ST8SIA4: variants seen among roughly 807,000 people sequenced by gnomAD.
The protein encoded by ST8SIA4 is ST8 alpha-N-acetyl-neuraminide alpha-2,8-sialyltransferase 4, also known as CMP-N-acetylneuraminate-poly-alpha-2,8-sialyltransferase.
ST8SIA4 carries 15 observed loss-of-function variants against 33.9 expected under a neutral mutation model. The observed-to-expected ratio is 0.44, with a 90% confidence interval of 0.30 to 0.68. The LOEUF (loss-of-function observed/expected upper bound fraction) is 0.68, where lower values mean the gene tolerates loss of function less well. Among genes scored for constraint, ST8SIA4 ranks in the 30% least tolerant of loss-of-function variants. The pLI, the probability that ST8SIA4 is intolerant of heterozygous loss-of-function variation, is 0.10. For missense variants in ST8SIA4, 321 were observed against 428.0 expected, an observed-to-expected ratio of 0.75 and a Z score of 2.21; for synonymous variants, 171 against 151.2, an observed-to-expected ratio of 1.13 and a Z score of -0.96.
At chr5:100,849,395 C>T (rs1751636750) in intron 4 of ST8SIA4, 2 of 985,240 alleles carry the variant, frequency 2.0e-6, no homozygotes, top group African/African-American at 1.7e-5. Context: ...AAATTCTCTA[C>T]GTCAGTGTTC....
intron 4 of ST8SIA4, among the ~76,000 whole-genome samples, chr5:100,839,149 C>A (rs1050588240): frequency 9.9e-5 from 15 of 151,852 alleles, no homozygotes; most frequent in African/African-American, 3.6e-4. Flanking sequence ...TTTCTATAAC[C>A]TTTTGCCAAC....
rs527553861 is a variant in ST8SIA4, at chr5:100,862,563, AT to A, written c.504-6168del. Among the ~76,000 whole-genome samples the A allele has an allele frequency of 1.4e-3, 196 of 143,524 alleles. 1 individual carries two copies. Among genetic ancestry groups the A allele is most frequent in the East Asian group, 3.4e-3 (17 of 4,948 alleles). The allele number at this position is 143,524 out of a possible 152,430, so 94.2% of individuals were successfully genotyped here. A position where few individuals can be genotyped will look rare whatever the true frequency, so the allele number is the denominator to read the frequency against. ...ACAGGCGCCCCCCACCACCCCAGCC[AT>A]TTTTTTTTTGTATTTTTAGTAGAGA... On this transcript the variant is annotated intron_variant, in intron 3 of 4. Transcript: ENST00000231461.
chr5:100,868,983 C>G (rs112881157), intron 3 of ST8SIA4, among the ~76,000 whole-genome samples: 225 of 152,188 alleles, frequency 1.5e-3, no homozygotes, highest in African/African-American at 5.2e-3. Context: ...ATAATGAGAG[C>G]TTATGTCCTC....
At position 100,810,164 on chromosome 5, in the gene ST8SIA4, A is replaced by T. The variant is rs576512417; in HGVS notation, c.*1683T>A. The T allele has an allele frequency of 6.6e-6, 1 of 152,290 alleles. No individual in the cohort carries two copies. The highest frequency in any genetic ancestry group is 2.1e-4 in the South Asian group (1 of 4,832). The allele number at this position is 152,290 out of a possible 1,614,324, so 9.4% of individuals were successfully genotyped here. ...ATCTACTATCATAAGTTACCAGAAA[A>T]CTGGCCTATTGGTCAATTCTGTTAT... is the stretch of plus-strand genomic sequence containing the variant. On this transcript the variant is annotated 3_prime_UTR_variant, in exon 5 of 5. Coordinates refer to ENST00000231461, the MANE Select transcript of ST8SIA4 (RefSeq NM_005668.6).
rs1039376292 is a variant in ST8SIA4 at position 100,885,596 on chromosome 5, A to T, written c.503+747T>A. ...TATCCATGTTTCTGTCATTTAGCTA[A>T]TTTTTCTAAGGAACTAAAACAATCC... On this transcript the variant is annotated intron_variant, in intron 3 of 4. Coordinates refer to ENST00000231461, the MANE Select transcript of ST8SIA4 (RefSeq NM_005668.6). 1.1e-5 allele frequency: 10 copies of T among 933,314 alleles called. No individual in the cohort carries two copies. The African/African-American group carries it at 1.8e-4, about 17-fold the overall frequency. 57.8% of individuals were successfully genotyped at this position (933,314 alleles called of 1,614,324 possible).
At chr5:100,816,715 C>G (rs1750928563) in intron 4 of ST8SIA4, 2 of 431,724 alleles carry the variant, frequency 4.6e-6, no homozygotes, top group Non-Finnish European at 9.2e-6. Context: ...CATTAATGAG[C>G]CCAGAAATTC....
chr5:100,891,279 A>C (rs1199247152), intron 2 of ST8SIA4, among the ~76,000 whole-genome samples: 1 of 149,514 alleles, frequency 6.7e-6, no homozygotes, highest in East Asian at 1.9e-4. Flanking sequence ...GACACTGACT[A>C]CAAAAAAAAA....
At chr5:100,841,992 G>A (rs979795839) in intron 4 of ST8SIA4, among the ~76,000 whole-genome samples, 9 of 151,702 alleles carry the variant, frequency 5.9e-5, no homozygotes, top group Non-Finnish European at 1.0e-4. Flanking sequence ...CAGACCTAGC[G>A]CAGTATAGCA....
intron 3 of ST8SIA4, among the ~76,000 whole-genome samples, chr5:100,866,928 A>G (rs1303453467): frequency 6.6e-6 from 1 of 152,116 alleles, no homozygotes; most frequent in African/African-American, 2.4e-5. Context: ...CTGTTACACT[A>G]CATGAATTGT....
intron 4 of ST8SIA4, among the ~76,000 whole-genome samples, chr5:100,838,955 C>A (rs2112421905): frequency 6.6e-6 from 1 of 152,040 alleles, no homozygotes; most frequent in East Asian, 1.9e-4. Flanking sequence ...ATGATTTAAA[C>A]CATAGTGACA....
chr5:100,841,066 T>A (rs985390559), intron 4 of ST8SIA4, among the ~76,000 whole-genome samples: 1 of 151,854 alleles, frequency 6.6e-6, no homozygotes, highest in Non-Finnish European at 1.5e-5. Flanking sequence ...CTGTACATCA[T>A]GATAAAGAAA....
At position 100,902,882 on chromosome 5, in the gene ST8SIA4, A is replaced by G. The variant is rs778715891; in HGVS notation, c.74T>C (p.Ile25Thr). 1.1e-5 allele frequency: 18 copies of G among 1,613,926 alleles called. No individual in the cohort carries two copies. Among genetic ancestry groups the G allele is most frequent in the Middle Eastern group, 1.6e-4 (1 of 6,082 alleles). Residue 25 changes from isoleucine (I) to threonine (T), a missense_variant, in exon 1 of 5, where the codon ATA becomes ACA. By Grantham distance (89) the Ile-to-Thr change is moderately conservative. Coordinates refer to ENST00000231461, the MANE Select transcript of ST8SIA4 (RefSeq NM_005668.6). ...CTCCTGGTGCTCCTCAGTTCTTGCT[A>G]TTTCTTTTGTCTTATAAAAGATCAG... ...LLLIFYKTKE[I>T]ARTEEHQETQ...
chr5:100,813,237 A>T (rs1201349675), intron 4 of ST8SIA4, among the ~76,000 whole-genome samples: 1 of 152,042 alleles, frequency 6.6e-6, no homozygotes, highest in East Asian at 1.9e-4. Context: ...TTAAAGTGAT[A>T]TGTTACTTCA....
chr5:100,827,842 G>A (rs145229723), intron 4 of ST8SIA4, among the ~76,000 whole-genome samples: 63 of 152,176 alleles, frequency 4.1e-4, no homozygotes, highest in African/African-American at 1.3e-3. Flanking sequence ...ACAATCTACG[G>A]CTCTACAAGA....
intron 4 of ST8SIA4, among the ~76,000 whole-genome samples, chr5:100,820,876 T>C (rs1751019298): frequency 6.6e-6 from 1 of 152,144 alleles, no homozygotes; most frequent in South Asian, 2.1e-4. Context: ...AATCTTGAGC[T>C]GGCAAATTGG....
At chr5:100,889,521 C>T (rs1752613819) in intron 2 of ST8SIA4, among the ~76,000 whole-genome samples, 1 of 151,832 alleles carries the variant, frequency 6.6e-6, no homozygotes. Context: ...TTTATTTGGT[C>T]AAAAAAGTTA....
intron 4 of ST8SIA4, among the ~76,000 whole-genome samples, chr5:100,828,382 G>A (rs887625629): frequency 2.6e-5 from 4 of 152,098 alleles, no homozygotes; most frequent in South Asian, 2.1e-4. Flanking sequence ...GCAACTTTCC[G>A]GTACTCCTTA....
chr5:100,843,657 T>TA (rs1751511678), intron 4 of ST8SIA4, among the ~76,000 whole-genome samples: 1 of 151,898 alleles, frequency 6.6e-6, no homozygotes, highest in Non-Finnish European at 1.5e-5. Flanking sequence ...ATTTGTCACT[T>TA]ACAATTTTTT....
chr5:100,852,321 C>T (rs1751721726), intron 4 of ST8SIA4, among the ~76,000 whole-genome samples: 1 of 151,510 alleles, frequency 6.6e-6, no homozygotes, highest in Non-Finnish European at 1.5e-5. Flanking sequence ...GGGGTTTCGC[C>T]ATGTTGGCCA....
Sources: allele counts gnomAD v4.1 joint callset (sites outside exome capture counted in the v4.1 genomes callset), GRCh38; gene constraint gnomAD v4.1.1; transcripts MANE v1.5; gene names NCBI Gene and HGNC (gene_info 2026-07-23, HGNC 2026-07-21).